CTNNA2: variants seen among roughly 807,000 people sequenced by gnomAD.
CTNNA2 encodes catenin alpha 2.
Under a neutral mutation model 101.0 loss-of-function variants are expected in CTNNA2, and 42 were observed. The ratio of observed to expected loss-of-function variants is 0.42; its 90% confidence interval spans 0.32 to 0.54. The LOEUF is 0.54. Ranked by LOEUF, CTNNA2 falls within the 20% of genes least tolerant of loss-of-function variation. CTNNA2 has a pLI of 0.14. For missense variants in CTNNA2, 871 were observed against 1,223.1 expected (o/e 0.71, Z 4.29); for synonymous variants, 450 against 456.4 (o/e 0.99, Z 0.18).
Position 80,647,897 on chromosome 2 carries a change from TTTTTCTTTC to T in CTNNA2, c.*38_*46del, listed in dbSNP as rs765104300. The T allele has an allele frequency of 2.5e-5, 39 of 1,533,338 alleles. No individual in the cohort carries two copies. In the Admixed American group the frequency reaches 2.6e-4, roughly 10 times the overall value. The allele number at this position is 1,533,338 out of a possible 1,614,324, so 95.0% of individuals were successfully genotyped here. A position where few individuals can be genotyped will look rare whatever the true frequency, so the allele number is the denominator to read the frequency against. On this transcript the variant is annotated 3_prime_UTR_variant, in exon 19 of 19. Transcript: ENST00000402739. ...GGACGATAGGTTTTAACAAGAAAGC[TTTTTCTTTC>T]TTTTCTTTCTTTCTTTTTCTTTTTA...
rs190616361 is a variant in CTNNA2, at chr2:80,141,245, C to T, written c.1056+231448C>T. ...CTGACATCCTCACCAAGAAAGAAAG[C>T]CCTCAAATAAATATTAGTCTTTGTC... On this transcript the variant is annotated intron_variant, in intron 7 of 18. Coordinates refer to ENST00000402739, the MANE Select transcript of CTNNA2 (RefSeq NM_001282597.3). 4.1e-3 allele frequency among the ~76,000 whole-genome samples: 621 copies of T among 152,000 alleles called. 6 individuals carry two copies. Among genetic ancestry groups the T allele is most frequent in the Middle Eastern group, 0.02 (6 of 294 alleles).
At chr2:79,305,986 C>T (rs977268271) in intron 2 of CTNNA2, among the ~76,000 whole-genome samples, 1 of 146,232 alleles carries the variant, frequency 6.8e-6, no homozygotes, top group Admixed American at 7.1e-5. Context: ...GCAGAGCTTG[C>T]AGTGAGCTGA....
At chr2:79,193,057 A>G (rs1673895927) in intron 1 of CTNNA2, among the ~76,000 whole-genome samples, 1 of 152,160 alleles carries the variant, frequency 6.6e-6, no homozygotes, top group South Asian at 2.1e-4. Context: ...ATGTATCCCT[A>G]GCAACATTTA....
intron 3 of CTNNA2, among the ~76,000 whole-genome samples, chr2:79,787,969 T>G (rs1674978019): frequency 6.6e-6 from 1 of 152,136 alleles, no homozygotes; most frequent in Non-Finnish European, 1.5e-5. Flanking sequence ...GGGCATTATT[T>G]TGACTATCAC....
intron 2 of CTNNA2, among the ~76,000 whole-genome samples, chr2:79,724,013 T>C (rs1333773916): frequency 1.3e-5 from 2 of 152,154 alleles, no homozygotes; most frequent in African/African-American, 4.8e-5. Context: ...ACCAACTGTT[T>C]TGTCTACAGT....
At chr2:79,851,424 T>G (rs967075371) in intron 3 of CTNNA2, among the ~76,000 whole-genome samples, 21 of 152,210 alleles carry the variant, frequency 1.4e-4, no homozygotes, top group African/African-American at 4.1e-4. Context: ...TCACAGTCTC[T>G]GTAAGTGTGT....
intron 7 of CTNNA2, among the ~76,000 whole-genome samples, chr2:80,240,332 A>G (rs1213330897): frequency 1.3e-5 from 2 of 152,232 alleles, no homozygotes; most frequent in Non-Finnish European, 1.5e-5. Context: ...AACTCAACCC[A>G]GATTTGAGAA....
chr2:79,375,251 T>G (rs1677954118), intron 4 of CTNNA2, among the ~76,000 whole-genome samples: 2 of 152,180 alleles, frequency 1.3e-5, no homozygotes, highest in South Asian at 4.1e-4. Context: ...TTTACTTGCA[T>G]TGTGAGATCT....
At chr2:79,434,363 GAA>G (rs1405064517) in intron 4 of CTNNA2, among the ~76,000 whole-genome samples, 2 of 151,406 alleles carry the variant, frequency 1.3e-5, no homozygotes, top group South Asian at 2.1e-4. Context: ...TGGATAGAAT[GAA>G]AAAGAGAACA....
chr2:79,896,875 AACACGGTT>A (rs1684748598), intron 6 of CTNNA2, among the ~76,000 whole-genome samples: 1 of 152,188 alleles, frequency 6.6e-6, no homozygotes, highest in Non-Finnish European at 1.5e-5. Flanking sequence ...AAGAATTAAT[AACACGGTT>A]ACACATGAAG....
chr2:79,906,712 C>T (rs1685453436), intron 6 of CTNNA2, among the ~76,000 whole-genome samples: 1 of 152,178 alleles, frequency 6.6e-6, no homozygotes, highest in Non-Finnish European at 1.5e-5. Context: ...TCTCTCTTGT[C>T]ACATTTCCCA....
rs149975342 is a variant in CTNNA2 at position 80,408,379 on chromosome 2, A to G, written c.1138-11070A>G. On this transcript the variant is annotated intron_variant, in intron 8 of 18. Coordinates refer to ENST00000402739, the MANE Select transcript of CTNNA2 (RefSeq NM_001282597.3). Reference sequence around the variant, plus strand: ...AGAGCTCGTCTCTATATCTTGCTTCATGCTCTTTAACCACACATTTTTTAT... The same window carrying G: ...AGAGCTCGTCTCTATATCTTGCTTCGTGCTCTTTAACCACACATTTTTTAT... Among the ~76,000 whole-genome samples the G allele has an allele frequency of 2.5e-3, 378 of 152,280 alleles. 2 individuals carry two copies. The highest frequency in any genetic ancestry group is 8.4e-3 in the African/African-American group (349 of 41,556).
chr2:80,110,607 T>G (rs555287401), intron 7 of CTNNA2, among the ~76,000 whole-genome samples: 1 of 152,268 alleles, frequency 6.6e-6, no homozygotes, highest in Non-Finnish European at 1.5e-5. Flanking sequence ...TAGCTGTCCT[T>G]TCCTGTGGTG....
chr2:80,575,650 C>T (rs1821411), intron 13 of CTNNA2, among the ~76,000 whole-genome samples: 19,301 of 152,100 alleles, frequency 0.13, 1,413 homozygotes, highest in Middle Eastern at 0.18. Context: ...CTGTAATCCT[C>T]AAGATATATT....
chr2:79,412,378 C>G (rs1678425008), intron 4 of CTNNA2, among the ~76,000 whole-genome samples: 1 of 151,990 alleles, frequency 6.6e-6, no homozygotes, highest in African/African-American at 2.4e-5. Flanking sequence ...TTGAACTCAG[C>G]TCTGCACCAA....
chr2:80,448,319 T>C (rs1026787339), intron 9 of CTNNA2, among the ~76,000 whole-genome samples: 2 of 152,232 alleles, frequency 1.3e-5, no homozygotes, highest in African/African-American at 4.8e-5. Flanking sequence ...GTGAATTTAA[T>C]ATGTTCTCCG....
chr2:79,247,769 G>A (rs1674717664), intron 2 of CTNNA2, among the ~76,000 whole-genome samples: 1 of 152,154 alleles, frequency 6.6e-6, no homozygotes, highest in Non-Finnish European at 1.5e-5. Flanking sequence ...CATAGAAGAA[G>A]GTGACTTGAC....
chr2:80,613,488 C>G (rs888601500), intron 17 of CTNNA2, among the ~76,000 whole-genome samples: 2 of 151,294 alleles, frequency 1.3e-5, no homozygotes, highest in African/African-American at 2.4e-5. Context: ...GTCTTTTGCA[C>G]TGCACCTGTG....
intron 7 of CTNNA2, among the ~76,000 whole-genome samples, chr2:79,972,857 G>T (rs1036256106): frequency 6.6e-6 from 1 of 152,116 alleles, no homozygotes; most frequent in Non-Finnish European, 1.5e-5. Flanking sequence ...GTGTTCACCC[G>T]GTGGAGAACT....
Sources: gnomAD v4.1 joint callset for allele counts (sites outside exome capture counted in the v4.1 genomes callset) on GRCh38, gnomAD v4.1.1 for gene constraint, MANE v1.5 for transcripts, NCBI Gene and HGNC (gene_info 2026-07-23, HGNC 2026-07-21) for gene names.